MAP3K2: variants seen among roughly 807,000 people sequenced by gnomAD.
MAP3K2 encodes the protein MAP/ERK kinase kinase 2.
In MAP3K2, 24 loss-of-function variants were observed where a neutral mutation model predicts 80.3. That is an observed-to-expected ratio of 0.30 (90% CI 0.22 to 0.42). The LOEUF (loss-of-function observed/expected upper bound fraction) is 0.42, where lower values mean the gene tolerates loss of function less well. MAP3K2 is among the 10% of genes least tolerant of loss of function. MAP3K2 has a pLI of 1.00. For synonymous variants in MAP3K2, 244 were observed against 253.7 expected (o/e 0.96, Z 0.36); for missense variants, 608 against 750.1 (o/e 0.81, Z 2.21).
At chr2:127,383,148 C>T (rs1249426757) in intron 1 of MAP3K2, among the ~76,000 whole-genome samples, 2 of 152,174 alleles carry the variant, frequency 1.3e-5, no homozygotes, top group African/African-American at 2.4e-5. Context: ...ATCAAGGGGA[C>T]GCTGCTAAGC....
chr2:127,323,777 T>C (rs2104823705), intron 11 of MAP3K2, 125 bp downstream of exon 11: 2 of 483,370 alleles, frequency 4.1e-6, no homozygotes, highest in East Asian at 6.7e-5. Flanking sequence ...ACTTTTGTTA[T>C]AACACAATTC....
chr2:127,343,169 G>T lies in MAP3K2; in HGVS notation c.-40C>A. ...CAACAATTTGAAAATTAGGAAAATG[G>T]TTCTCCCATCAGCATTCTTTATGGC... On this transcript the variant is annotated 5_prime_UTR_variant, in exon 2 of 17. Transcript: ENST00000682094. 1 of 1,533,894 alleles carries T rather than the reference G, an allele frequency of 6.5e-7. No homozygotes were observed. Among genetic ancestry groups the T allele is most frequent in the Non-Finnish European group, 8.8e-7 (1 of 1,131,042 alleles).
intron 1 of MAP3K2, among the ~76,000 whole-genome samples, chr2:127,381,052 A>G (rs2104903093): frequency 6.6e-6 from 1 of 152,256 alleles, no homozygotes; most frequent in East Asian, 1.9e-4. Context: ...CTGATTTTTG[A>G]TACAGGGTCT....
chr2:127,373,754 A>T (rs1011409412), intron 1 of MAP3K2, among the ~76,000 whole-genome samples: 1 of 152,088 alleles, frequency 6.6e-6, no homozygotes, highest in Admixed American at 6.5e-5. Flanking sequence ...GGACTAAAAC[A>T]CTCTCTCTCT....
chr2:127,309,676 G>T (rs1390303389), intron 15 of MAP3K2, among the ~76,000 whole-genome samples: 3 of 152,112 alleles, frequency 2.0e-5, no homozygotes, highest in Admixed American at 2.0e-4. Flanking sequence ...TGATGACCAT[G>T]ACATTTCTGA....
chr2:127,352,775 T>C (rs1162313203), intron 1 of MAP3K2, among the ~76,000 whole-genome samples: 2 of 146,984 alleles, frequency 1.4e-5, no homozygotes, highest in African/African-American at 4.9e-5. Context: ...ACTGCTGCCA[T>C]CTCGGCTCAC....
chr2:127,365,850 G>A (rs917625479), intron 1 of MAP3K2, among the ~76,000 whole-genome samples: 1 of 152,178 alleles, frequency 6.6e-6, no homozygotes, highest in African/African-American at 2.4e-5. Context: ...TCCCACAGCT[G>A]TATGAAGTCC....
chr2:127,386,930 C>G (rs1206129177), intron 1 of MAP3K2, among the ~76,000 whole-genome samples: 1 of 152,148 alleles, frequency 6.6e-6, no homozygotes. Context: ...CTCTGAGCCT[C>G]AAGTTTTCAC....
In MAP3K2 at chr2:127,347,551, A is replaced by G. The variant is rs983230030; in HGVS notation, c.-65-4357T>C. Among the ~76,000 whole-genome samples, 17 of 152,278 alleles carry G rather than the reference A, an allele frequency of 1.1e-4. No homozygotes were observed. In the South Asian group the frequency reaches 1.9e-3, roughly 17 times the overall value. On this transcript the variant is annotated intron_variant, in intron 1 of 16. Transcript: ENST00000682094. ...ACAACAACAAAAAAATGCAGCTTGC[A>G]CTCTAAAAACTACAAAACACTGTTG... is the stretch of plus-strand genomic sequence containing the variant.
intron 1 of MAP3K2, among the ~76,000 whole-genome samples, chr2:127,382,932 T>C (rs1687271598): frequency 6.6e-6 from 1 of 152,200 alleles, no homozygotes; most frequent in African/African-American, 2.4e-5. Flanking sequence ...CTTGGTAATT[T>C]ATAAAGAAGA....
At chr2:127,363,250 AT>A (rs1211568672) in intron 1 of MAP3K2, among the ~76,000 whole-genome samples, 1 of 151,902 alleles carries the variant, frequency 6.6e-6, no homozygotes, top group Non-Finnish European at 1.5e-5. Context: ...TTGTTTGTTT[AT>A]TTTTTTCAAC....
At chr2:127,368,970 CAG>C (rs1193239638) in intron 1 of MAP3K2, among the ~76,000 whole-genome samples, 1 of 151,592 alleles carries the variant, frequency 6.6e-6, no homozygotes, top group Non-Finnish European at 1.5e-5. Flanking sequence ...TTTGTGTGGA[CAG>C]AGTCTCACTC....
At chr2:127,325,369 A>G (rs1171731581) in intron 9 of MAP3K2, among the ~76,000 whole-genome samples, 1 of 152,192 alleles carries the variant, frequency 6.6e-6, no homozygotes, top group Non-Finnish European at 1.5e-5. Flanking sequence ...ATATTTACTC[A>G]TATCTATTAA....
At chr2:127,330,352 G>T in intron 6 of MAP3K2, 40 bp downstream of exon 6, 2 of 954,636 alleles carry the variant, frequency 2.1e-6, no homozygotes, top group Non-Finnish European at 3.2e-6. Flanking sequence ...ACAAGCCTAA[G>T]TCCTATAATT....
At position 127,387,477 on chromosome 2, in the gene MAP3K2, G is replaced by A; in HGVS notation, c.-91C>T. 1 of 985,030 alleles carries A rather than the reference G, an allele frequency of 1.0e-6. No individual in the cohort carries two copies. The highest frequency in any genetic ancestry group is 1.2e-6 in the Non-Finnish European group (1 of 830,180). The allele number at this position is 985,030 out of a possible 1,614,324, so 61.0% of individuals were successfully genotyped here. A position where few individuals can be genotyped will look rare whatever the true frequency, so the allele number is the denominator to read the frequency against. On this transcript the variant is annotated 5_prime_UTR_variant, in exon 1 of 17. Transcript: ENST00000682094. ...CGGCTGCTCCGCAGGGACGTAGAGA[G>A]CCGCAGGCCCAAGGAGGGGCCGCCC...
rs1406976514 is a variant in MAP3K2, at chr2:127,309,220, C to A, written c.1457-458G>T. Among the ~76,000 whole-genome samples, 3 of 152,178 alleles carry A rather than the reference C, an allele frequency of 2.0e-5. No homozygotes were observed. In the South Asian group the frequency reaches 6.2e-4, roughly 31 times the overall value. On this transcript the variant is annotated intron_variant, in intron 15 of 16. Coordinates refer to ENST00000682094, the MANE Select transcript of MAP3K2 (RefSeq NM_001371910.2). Reference sequence around the variant, plus strand: ...ACAAAAGCATTTTCCCCCTCTATTACTTAAATTTAGTTACCTTACATTTTA... The same window carrying A: ...ACAAAAGCATTTTCCCCCTCTATTAATTAAATTTAGTTACCTTACATTTTA...
At chr2:127,357,837 A>C (rs1686821727) in intron 1 of MAP3K2, among the ~76,000 whole-genome samples, 1 of 152,202 alleles carries the variant, frequency 6.6e-6, no homozygotes, top group Non-Finnish European at 1.5e-5. Context: ...ATAAACCTAC[A>C]TATAAGGACT....
intron 1 of MAP3K2, among the ~76,000 whole-genome samples, chr2:127,354,086 C>T (rs1686755123): frequency 6.6e-6 from 1 of 151,746 alleles, no homozygotes; most frequent in African/African-American, 2.4e-5. Flanking sequence ...ATCTCAAGTA[C>T]CCAGGGACAC....
chr2:127,334,222 G>A (rs1430116291), intron 5 of MAP3K2, among the ~76,000 whole-genome samples: 1 of 151,968 alleles, frequency 6.6e-6, no homozygotes, highest in Non-Finnish European at 1.5e-5. Flanking sequence ...CTTAGGAGGT[G>A]ACATAGGTAT....
Sources: gnomAD v4.1 joint callset for allele counts (sites outside exome capture counted in the v4.1 genomes callset) on GRCh38, gnomAD v4.1.1 for gene constraint, MANE v1.5 for transcripts, NCBI Gene and HGNC (gene_info 2026-07-23, HGNC 2026-07-21) for gene names.